SSBP3: variants seen among roughly 807,000 people sequenced by gnomAD.
SSBP3 encodes single stranded DNA binding protein 3, also known as single-stranded DNA-binding protein 3.
SSBP3 carries 5 observed loss-of-function variants against 69.6 expected under a neutral mutation model. The observed-to-expected ratio is 0.07, with a 90% CI of 0.04 to 0.15. The LOEUF (loss-of-function observed/expected upper bound fraction) is 0.15. Ranked by LOEUF, SSBP3 falls within the 10% of genes least tolerant of loss-of-function variation. SSBP3 has a pLI of 1.00. For missense variants in SSBP3, 312 were observed against 534.0 expected, an observed-to-expected ratio of 0.58 and a Z score of 4.10; for synonymous variants, 196 against 193.4, an observed-to-expected ratio of 1.01 and a Z score of -0.11.
At chr1:54,250,828 G>A (rs1644816330) in intron 9 of SSBP3, among the ~76,000 whole-genome samples, 1 of 152,340 alleles carries the variant, frequency 6.6e-6, no homozygotes, top group South Asian at 2.1e-4. Context: ...GGGGTAAGCA[G>A]TGAGATGGTT....
rs79043537 is a variant in SSBP3, at chr1:54,329,593, G to A, written c.277-48066C>T. ...TGGTCCAGGGCCCCAGGCTACAGGG[G>A]AGGTGAGCAAGCCTCAAGGAGACTA... On this transcript the variant is annotated intron_variant, in intron 4 of 17. Coordinates refer to ENST00000610401, the Ensembl canonical transcript of SSBP3. 3.9e-5 allele frequency among the ~76,000 whole-genome samples: 6 copies of A among 152,246 alleles called. No homozygotes were observed. In the East Asian group the frequency reaches 1.2e-3, roughly 29 times the overall value.
chr1:54,243,577 G>A (rs1015227016), intron 9 of SSBP3, among the ~76,000 whole-genome samples: 4 of 152,196 alleles, frequency 2.6e-5, no homozygotes, highest in African/African-American at 7.2e-5. Flanking sequence ...CCAGCAAGCC[G>A]CTGCCCTCTC....
chr1:54,316,705 T>TAAATAAAATA lies in SSBP3; in HGVS notation c.277-35188_277-35179dup, dbSNP rs1215940242. On this transcript the variant is annotated intron_variant, in intron 4 of 17. Transcript: ENST00000610401. ...ATAAATAAATAAATAAATAAATAAA[T>TAAATAAAATA]AAATAAAATAAAATAAAATAAAATA... Among the ~76,000 whole-genome samples the TAAATAAAATA allele has an allele frequency of 6.8e-4, 55 of 80,780 alleles. 2 individuals carry two copies. Among genetic ancestry groups the TAAATAAAATA allele is most frequent in the African/African-American group, 1.9e-3 (39 of 20,738 alleles). 53.0% of individuals were successfully genotyped at this position (80,780 alleles called of 152,430 possible). A position where few individuals can be genotyped will look rare whatever the true frequency, so the allele number is the denominator to read the frequency against.
At chr1:54,285,741 C>T (rs917408784) in intron 4 of SSBP3, among the ~76,000 whole-genome samples, 1 of 152,118 alleles carries the variant, frequency 6.6e-6, no homozygotes, top group Non-Finnish European at 1.5e-5. Flanking sequence ...CAACACAAAA[C>T]CAAAACCCCT....
intron 4 of SSBP3, among the ~76,000 whole-genome samples, chr1:54,294,155 A>AG (rs1240831618): frequency 2.0e-4 from 20 of 101,452 alleles, no homozygotes; most frequent in African/African-American, 6.6e-4. Context: ...AAAAAAAAAA[A>AG]AAAAAAAGAA....
chr1:54,302,958 G>C (rs1645829249), intron 4 of SSBP3, among the ~76,000 whole-genome samples: 1 of 152,220 alleles, frequency 6.6e-6, no homozygotes, highest in Admixed American at 6.5e-5. Flanking sequence ...ACAAAAGATG[G>C]TGCCTGCTGC....
At position 54,304,706 on chromosome 1, in the gene SSBP3, G is replaced by A. The variant is rs575821345; in HGVS notation, c.277-23179C>T. The stretch of plus-strand genomic sequence containing the variant: ...CTGGAGCCAGACCCCAGAATGTTTT[G>A]CTAGACAAGGAACACTGCTGGTGCA... On this transcript the variant is annotated intron_variant, in intron 4 of 17. Coordinates refer to ENST00000610401, the Ensembl canonical transcript of SSBP3. Among the ~76,000 whole-genome samples the A allele has an allele frequency of 1.1e-4, 16 of 152,328 alleles. No homozygotes were observed. In the South Asian group the frequency reaches 3.3e-3, roughly 32 times the overall value.
chr1:54,340,100 T>C (rs1205809552), intron 4 of SSBP3, among the ~76,000 whole-genome samples: 1 of 152,128 alleles, frequency 6.6e-6, no homozygotes, highest in Non-Finnish European at 1.5e-5. Flanking sequence ...AGGAAGGCAT[T>C]TGCTTTTTGG....
intron 5 of SSBP3, among the ~76,000 whole-genome samples, chr1:54,277,773 G>A (rs1217266385): frequency 6.6e-6 from 1 of 152,134 alleles, no homozygotes; most frequent in Non-Finnish European, 1.5e-5. Context: ...ACTGGACAGT[G>A]CCCTCCTTAG....
intron 4 of SSBP3, among the ~76,000 whole-genome samples, chr1:54,322,078 G>A (rs977726363): frequency 6.6e-6 from 1 of 152,216 alleles, no homozygotes; most frequent in Non-Finnish European, 1.5e-5. Flanking sequence ...GAGGGGCACA[G>A]TGGTGGCCCC....
At chr1:54,295,700 C>A (rs1159487674) in intron 4 of SSBP3, among the ~76,000 whole-genome samples, 15 of 152,334 alleles carry the variant, frequency 9.8e-5, no homozygotes, top group African/African-American at 3.4e-4. Context: ...AGCCTTTCTT[C>A]TCTGCCTCCC....
chr1:54,331,370 C>T (rs1161590533), intron 4 of SSBP3, among the ~76,000 whole-genome samples: 2 of 152,164 alleles, frequency 1.3e-5, no homozygotes, highest in Non-Finnish European at 2.9e-5. Context: ...TACTTGGGTT[C>T]GGGTTACATG....
At chr1:54,340,578 C>T (rs865836978) in intron 4 of SSBP3, among the ~76,000 whole-genome samples, 2 of 152,202 alleles carry the variant, frequency 1.3e-5, no homozygotes, top group African/African-American at 4.8e-5. Flanking sequence ...TTTTTAGCCA[C>T]GCATGATGGA....
intron 5 of SSBP3, among the ~76,000 whole-genome samples, chr1:54,278,592 G>A (rs1012615052): frequency 3.3e-5 from 5 of 152,242 alleles, no homozygotes; most frequent in African/African-American, 4.8e-5. Context: ...CTGGGATGGA[G>A]GTGGGCAGCT....
In SSBP3 at chr1:54,275,058, T is replaced by G. The variant is rs535902610; in HGVS notation, c.366+6380A>C. On this transcript the variant is annotated intron_variant, in intron 5 of 17. Transcript: ENST00000610401. ...CCCAACGGTATTCTTCCTGTCAACCTCTCCAGCGTGGCACTCAGTCACTGC... is the reference window on the plus strand; with the variant it reads ...CCCAACGGTATTCTTCCTGTCAACCGCTCCAGCGTGGCACTCAGTCACTGC... Among the ~76,000 whole-genome samples the G allele has an allele frequency of 2.0e-5, 3 of 152,212 alleles. No individual in the cohort carries two copies. The South Asian group carries it at 6.2e-4, about 32-fold the overall frequency.
rs869039822 is a variant in SSBP3 at position 54,337,485 on chromosome 1, C to CTTTTTTTTTTTTTTTTTTTT, written c.277-55978_277-55959dup. Among the ~76,000 whole-genome samples the CTTTTTTTTTTTTTTTTTTTT allele has an allele frequency of 4.7e-4, 24 of 51,166 alleles. 5 individuals are homozygous for CTTTTTTTTTTTTTTTTTTTT. The highest frequency in any genetic ancestry group is 1.6e-3 in the African/African-American group (16 of 10,178). The allele number at this position is 51,166 out of a possible 152,430, so 33.6% of individuals were successfully genotyped here. ...ACCAAAGCATTTTGTTTTCCTCAAGCTTTTTTTTTTTTTTTTTTTTTTTTT... is the reference window on the plus strand; with the variant it reads ...ACCAAAGCATTTTGTTTTCCTCAAGCTTTTTTTTTTTTTTTTTTTTTTTTTTTTTTTTTTTTTTTTTTTTT... On this transcript the variant is annotated intron_variant, in intron 4 of 17. Coordinates refer to ENST00000610401, the Ensembl canonical transcript of SSBP3.
exon 3 of SSBP3, chr1:54,404,617 G>A (rs368484186): frequency 1.2e-6 from 2 of 1,613,892 alleles, no homozygotes; most frequent in Non-Finnish European, 1.7e-6. Flanking sequence ...CTCCCAACGT[G>A]ATGTTTTTTT....
chr1:54,295,089 C>T (rs1203175984), intron 4 of SSBP3, among the ~76,000 whole-genome samples: 3 of 152,160 alleles, frequency 2.0e-5, no homozygotes, highest in Non-Finnish European at 4.4e-5. Context: ...CCATCACCCC[C>T]AGCCTCCCCT....
intron 4 of SSBP3, among the ~76,000 whole-genome samples, chr1:54,392,010 C>T (rs1185268917): frequency 1.3e-5 from 2 of 152,280 alleles, no homozygotes; most frequent in African/African-American, 4.8e-5. Flanking sequence ...AGTGTCCCTG[C>T]GCTCTCAGGC....
Sources: allele counts gnomAD v4.1 joint callset (sites outside exome capture counted in the v4.1 genomes callset), GRCh38; gene constraint gnomAD v4.1.1; transcripts MANE v1.5; gene names NCBI Gene and HGNC (gene_info 2026-07-23, HGNC 2026-07-21).